Variants in PTPRK observed in about 807,000 individuals in gnomAD.
The protein encoded by PTPRK is protein tyrosine phosphatase receptor type K.
In PTPRK, 75 loss-of-function variants were observed where a neutral mutation model predicts 178.0. The observed-to-expected ratio is 0.42, with a 90% CI of 0.35 to 0.51. The LOEUF is 0.51. Ranked by LOEUF, PTPRK falls within the 20% of genes least tolerant of loss-of-function variation. The pLI, the probability that PTPRK is intolerant of heterozygous loss-of-function variation, is 0.02. For missense variants in PTPRK, 1,441 were observed against 1,797.8 expected, an observed-to-expected ratio of 0.80 and a Z score of 3.59; for synonymous variants, 637 against 620.6, an observed-to-expected ratio of 1.03 and a Z score of -0.39.
At chr6:128,132,405 C>T (rs547089882) in intron 7 of PTPRK, among the ~76,000 whole-genome samples, 13 of 152,318 alleles carry the variant, frequency 8.5e-5, no homozygotes, top group African/African-American at 2.9e-4. Context: ...ATCTCCTGAC[C>T]TCGTGATCCG....
intron 3 of PTPRK, among the ~76,000 whole-genome samples, chr6:128,276,370 T>C (rs2128299940): frequency 6.6e-6 from 1 of 152,292 alleles, no homozygotes; most frequent in East Asian, 1.9e-4. Context: ...GTTTTGTATT[T>C]GTTTATTTAG....
chr6:128,446,507 A>AT (rs1464186530), intron 1 of PTPRK, among the ~76,000 whole-genome samples: 3 of 152,106 alleles, frequency 2.0e-5, no homozygotes, highest in Admixed American at 6.6e-5. Context: ...AGCATTCCTA[A>AT]TTTTTTAAAA....
chr6:128,198,140 G>A (rs1399472053), intron 6 of PTPRK, among the ~76,000 whole-genome samples: 1 of 152,196 alleles, frequency 6.6e-6, no homozygotes, highest in Non-Finnish European at 1.5e-5. Context: ...CACAGAAGCT[G>A]TGAACACTAT....
chr6:128,348,719 C>A (rs1832742240), intron 2 of PTPRK, among the ~76,000 whole-genome samples: 1 of 151,926 alleles, frequency 6.6e-6, no homozygotes, highest in South Asian at 2.1e-4. Context: ...TTTTCAGTTA[C>A]TTATTAAGTA....
intron 5 of PTPRK, among the ~76,000 whole-genome samples, chr6:128,226,629 C>A (rs1270582430): frequency 2.0e-5 from 3 of 151,870 alleles, no homozygotes; most frequent in Non-Finnish European, 4.4e-5. Context: ...GCCTGCCCTC[C>A]CCAAGGGCTT....
intron 1 of PTPRK, among the ~76,000 whole-genome samples, chr6:128,427,849 A>G (rs934267634): frequency 6.6e-6 from 1 of 152,056 alleles, no homozygotes; most frequent in Non-Finnish European, 1.5e-5. Flanking sequence ...TCCCAGCACT[A>G]TGGGAGGCTG....
chr6:128,304,839 G>A (rs1187288248), intron 3 of PTPRK, among the ~76,000 whole-genome samples: 1 of 152,136 alleles, frequency 6.6e-6, no homozygotes, highest in Non-Finnish European at 1.5e-5. Flanking sequence ...CTAGAAGAGA[G>A]AAGAAGACAA....
intron 13 of PTPRK, among the ~76,000 whole-genome samples, chr6:128,040,506 G>A (rs917389171): frequency 6.6e-6 from 1 of 152,066 alleles, no homozygotes; most frequent in African/African-American, 2.4e-5. Context: ...GGAATTGTAA[G>A]AGGCACAGAT....
intron 2 of PTPRK, among the ~76,000 whole-genome samples, chr6:128,390,796 T>C (rs1839437824): frequency 6.6e-6 from 1 of 152,180 alleles, no homozygotes; most frequent in Non-Finnish European, 1.5e-5. Flanking sequence ...TATAAGGCTC[T>C]TGTGAAGATT....
At position 128,412,545 on chromosome 6, in the gene PTPRK, A is replaced by T. The variant is rs570833292; in HGVS notation, c.101-14857T>A. On this transcript the variant is annotated intron_variant, in intron 1 of 29. Coordinates refer to ENST00000368226, the MANE Select transcript of PTPRK (RefSeq NM_002844.4). ...AACATCAAACTTCAGGAGAAAGCCA[A>T]CATGCTGGCCAGGTATCACCAAGTC... Among the ~76,000 whole-genome samples, 90 of 152,348 alleles carry T rather than the reference A, an allele frequency of 5.9e-4. 1 individual carries two copies. The highest frequency in any genetic ancestry group is 3.4e-3 in the Middle Eastern group (1 of 294).
At chr6:128,152,741 A>G (rs997169900) in intron 7 of PTPRK, among the ~76,000 whole-genome samples, 1 of 151,964 alleles carries the variant, frequency 6.6e-6, no homozygotes, top group Admixed American at 6.6e-5. Context: ...GAAAAAGCAG[A>G]CCCACGTGGC....
At chr6:128,091,104 C>G (rs1049945041) in intron 7 of PTPRK, among the ~76,000 whole-genome samples, 3 of 152,152 alleles carry the variant, frequency 2.0e-5, no homozygotes, top group African/African-American at 7.2e-5. Context: ...AATGTGCAAT[C>G]TGAAATGAAC....
At chr6:128,096,563 C>T (rs1787932515) in intron 7 of PTPRK, among the ~76,000 whole-genome samples, 2 of 152,104 alleles carry the variant, frequency 1.3e-5, no homozygotes, top group Non-Finnish European at 2.9e-5. Context: ...AATGATAAAA[C>T]TTATTATGCA....
At chr6:128,061,646 C>A (rs1275788391) in intron 13 of PTPRK, among the ~76,000 whole-genome samples, 1 of 151,982 alleles carries the variant, frequency 6.6e-6, no homozygotes, top group Non-Finnish European at 1.5e-5. Context: ...CTTTCTAGAC[C>A]CTTTTCATTC....
At chr6:128,295,272 T>C (rs1824118329) in intron 3 of PTPRK, among the ~76,000 whole-genome samples, 1 of 152,086 alleles carries the variant, frequency 6.6e-6, no homozygotes, top group South Asian at 2.1e-4. Flanking sequence ...CACTATTGGA[T>C]AGTGGACACA....
intron 11 of PTPRK, among the ~76,000 whole-genome samples, chr6:128,068,227 T>C (rs1221846316): frequency 2.6e-5 from 4 of 152,176 alleles, no homozygotes; most frequent in Admixed American, 1.3e-4. Context: ...CTCAGGGCGG[T>C]GCTAGAAGCA....
chr6:128,425,233 A>T (rs1843986436), intron 1 of PTPRK, among the ~76,000 whole-genome samples: 1 of 152,026 alleles, frequency 6.6e-6, no homozygotes, highest in African/African-American at 2.4e-5. Flanking sequence ...ATGTGTCACC[A>T]TGCCCAGCTA....
chr6:128,312,700 C>T (rs920456903), intron 3 of PTPRK, among the ~76,000 whole-genome samples: 4 of 151,884 alleles, frequency 2.6e-5, no homozygotes, highest in East Asian at 1.9e-4. Flanking sequence ...TCGATGTATA[C>T]GCAATTGTCT....
chr6:128,180,981 G>A (rs140640888), intron 7 of PTPRK, among the ~76,000 whole-genome samples: 6 of 152,116 alleles, frequency 3.9e-5, no homozygotes, highest in African/African-American at 1.4e-4. Flanking sequence ...ACAAGTTACT[G>A]TTTTGTTTTT....
Sources: gnomAD v4.1 joint callset for allele counts (sites outside exome capture counted in the v4.1 genomes callset) on GRCh38, gnomAD v4.1.1 for gene constraint, MANE v1.5 for transcripts, NCBI Gene and HGNC (gene_info 2026-07-23, HGNC 2026-07-21) for gene names.